The following FER1L5 variants were observed in gnomAD, a reference collection of about 807,000 sequenced individuals.
The protein encoded by FER1L5 is fer-1 like family member 5.
Under a neutral mutation model 279.9 loss-of-function variants are expected in FER1L5, and 187 were observed. The ratio of observed to expected loss-of-function variants is 0.67; its 90% CI spans 0.59 to 0.75. FER1L5 has a LOEUF of 0.75. FER1L5 is among the 30% of genes least tolerant of loss of function. The pLI, the probability that FER1L5 is intolerant of heterozygous loss-of-function variation, is 0.00. For synonymous variants in FER1L5, 921 were observed against 989.7 expected, an observed-to-expected ratio of 0.93 and a Z score of 1.30; for missense variants, 2,091 against 2,594.4, an observed-to-expected ratio of 0.81 and a Z score of 4.21.
At chr2:96,692,568 A>C (rs1327155602) in intron 31 of FER1L5, among the ~76,000 whole-genome samples, 1 of 152,050 alleles carries the variant, frequency 6.6e-6, no homozygotes, top group Non-Finnish European at 1.5e-5. Flanking sequence ...AAGAGGGAGG[A>C]GCTTGTCTGG....
rs1201836093 is a variant in FER1L5, at chr2:96,697,923, C to T, written c.4237-114C>T. ...CCTGTCTGAAGCACACAGTGCTGGCCCCAGGGCCGCTGACTGCCAGATGCT... is the reference window on the plus strand; with the variant it reads ...CCTGTCTGAAGCACACAGTGCTGGCTCCAGGGCCGCTGACTGCCAGATGCT... On this transcript the variant is annotated intron_variant, in intron 39 of 52. Coordinates refer to ENST00000624922, the MANE Select transcript of FER1L5 (RefSeq NM_001293083.2). The T allele has an allele frequency of 2.0e-6, 3 of 1,475,484 alleles. No homozygotes were observed. The East Asian group carries it at 7.4e-5, about 36-fold the overall frequency. 91.4% of individuals were successfully genotyped at this position (1,475,484 alleles called of 1,614,324 possible).
At chr2:96,699,252 C>A in intron 42 of FER1L5, 116 bp downstream of exon 42, 1 of 1,047,602 alleles carries the variant, frequency 9.5e-7, no homozygotes, top group African/African-American at 1.6e-5. Context: ...GTTCCCACCA[C>A]AGCGTCTTAC....
chr2:96,682,381 C>T (rs994275987), intron 19 of FER1L5, among the ~76,000 whole-genome samples: 2 of 152,216 alleles, frequency 1.3e-5, no homozygotes, highest in South Asian at 2.1e-4. Context: ...CGTGAGCCAC[C>T]GCACCCGGCC....
Position 96,689,176 on chromosome 2 carries a change from G to T in FER1L5, c.2362-37G>T. 1 of 1,543,540 alleles carries T rather than the reference G, an allele frequency of 6.5e-7. No individual in the cohort carries two copies. Among genetic ancestry groups the T allele is most frequent in the Non-Finnish European group, 8.7e-7 (1 of 1,144,310 alleles). On this transcript the variant is annotated intron_variant, in intron 24 of 52. Transcript: ENST00000624922. This position sits in a 1 kb window ranked among gnomAD's most constrained non-coding sequence, Gnocchi z 4.6. ...GCCCATGTCCCCGCACTTTGTGCTA[G>T]AGGAGGCGGCCGCCCTGACAAGCTT...
At chr2:96,672,818 G>A (rs1334563324) in intron 18 of FER1L5, among the ~76,000 whole-genome samples, 4 of 152,126 alleles carry the variant, frequency 2.6e-5, no homozygotes. Context: ...AACAAGGGAG[G>A]AGACCACCCC....
intron 9 of FER1L5, among the ~76,000 whole-genome samples, chr2:96,659,518 G>C (rs1423933269): frequency 2.3e-5 from 3 of 128,002 alleles, no homozygotes; most frequent in South Asian, 3.1e-4. Flanking sequence ...TCGAGACAGA[G>C]TCTCGCTCTG....
intron 32 of FER1L5, 78 bp downstream of exon 32, chr2:96,693,765 T>C (rs2077249562): frequency 6.7e-7 from 1 of 1,495,316 alleles, no homozygotes; most frequent in Non-Finnish European, 9.0e-7. Flanking sequence ...TAGATGAAAA[T>C]GTATGGAAAG....
intron 9 of FER1L5, among the ~76,000 whole-genome samples, chr2:96,658,137 C>T (rs954844424): frequency 2.0e-5 from 3 of 151,788 alleles, no homozygotes; most frequent in African/African-American, 4.8e-5. Context: ...CTGCCTCAGA[C>T]TCCCGAGTAG....
At position 96,654,509 on chromosome 2, in the gene FER1L5, C is replaced by G; in HGVS notation, c.747+13C>G. 2.5e-6 allele frequency: 1 copy of G among 398,944 alleles called. No homozygotes were observed. The highest frequency in any genetic ancestry group is 4.4e-6 in the Non-Finnish European group (1 of 226,020). The allele number at this position is 398,944 out of a possible 1,614,324, so 24.7% of individuals were successfully genotyped here. On this transcript the variant is annotated intron_variant, in intron 9 of 52. Transcript: ENST00000624922. ...CGGGAGATTTCAAGTGAGTACTGTA[C>G]ATGGGAGGAGGTTCAGTGAAACAGT...
In FER1L5 at chr2:96,694,106, G is replaced by T. The variant is rs987448364; in HGVS notation, c.3636+34G>T. On this transcript the variant is annotated intron_variant, in intron 33 of 52. Coordinates refer to ENST00000624922, the MANE Select transcript of FER1L5 (RefSeq NM_001293083.2). This position sits in a 1 kb window ranked among gnomAD's most constrained non-coding sequence, Gnocchi z 4.6. ...AGAGAGGGCCTGGCTGGGAAGTGTGGCACTCAGTGCCCCTCCCCGTCCCAC... is the reference window on the plus strand; with the variant it reads ...AGAGAGGGCCTGGCTGGGAAGTGTGTCACTCAGTGCCCCTCCCCGTCCCAC... 3.9e-6 allele frequency: 6 copies of T among 1,521,880 alleles called. No homozygotes were observed. The highest frequency in any genetic ancestry group is 5.3e-6 in the Non-Finnish European group (6 of 1,138,396). The allele number at this position is 1,521,880 out of a possible 1,614,324, so 94.3% of individuals were successfully genotyped here. A position where few individuals can be genotyped will look rare whatever the true frequency, so the allele number is the denominator to read the frequency against.
chr2:96,693,124 C>T (rs113141724), intron 31 of FER1L5, among the ~76,000 whole-genome samples: 76 of 150,644 alleles, frequency 5.0e-4, no homozygotes, highest in African/African-American at 1.8e-3. Flanking sequence ...TGCAGTGAGC[C>T]GAGATGTGCC....
At chr2:96,673,287 C>T (rs1423405816) in intron 19 of FER1L5, 33 bp downstream of exon 19, 5 of 1,532,612 alleles carry the variant, frequency 3.3e-6, no homozygotes, top group Non-Finnish European at 4.4e-6. Flanking sequence ...AAGTAGAGAG[C>T]AGCCACTGCA....
rs1394875560 is a variant in FER1L5, at chr2:96,647,762, C to T, written c.231-16C>T. ...CCCCTGGCTCAGGATCTCACATCTG[C>T]TCCTTGTCTCCCCAGATTCATTGGC... On this transcript the variant is annotated splice_polypyrimidine_tract_variant and intron_variant, in intron 3 of 52. Coordinates refer to ENST00000624922, the MANE Select transcript of FER1L5 (RefSeq NM_001293083.2). 6.5e-7 allele frequency: 1 copy of T among 1,537,624 alleles called. No individual in the cohort carries two copies. The highest frequency in any genetic ancestry group is 1.2e-5 in the South Asian group (1 of 83,772).
At chr2:96,659,412 T>TCCTTC (rs1558854181) in intron 9 of FER1L5, among the ~76,000 whole-genome samples, 101 of 6,290 alleles carry the variant, frequency 0.016, 2 homozygotes, top group Non-Finnish European at 0.022. Context: ...TTTCTTTCTT[T>TCCTTC]CTTTCTTTCT....
rs1465469719 is a variant in FER1L5, at chr2:96,691,358, G to A, written c.2907+5G>A. 29 of 1,547,274 alleles carry A rather than the reference G, an allele frequency of 1.9e-5. No homozygotes were observed. The highest frequency in any genetic ancestry group is 2.5e-5 in the Non-Finnish European group (29 of 1,144,424). On this transcript the variant is annotated splice_donor_5th_base_variant and intron_variant, in intron 28 of 52. Coordinates refer to ENST00000624922, the MANE Select transcript of FER1L5 (RefSeq NM_001293083.2). The surrounding 1 kb of genome is among the most constrained non-coding windows in gnomAD (Gnocchi z 6.0). ...ACCCTCTCCTTCCTGCAGCTGGTGA[G>A]GGGTCGACGGGCGCCCTGGCTGGGA... is the stretch of plus-strand genomic sequence containing the variant.
At position 96,695,822 on chromosome 2, in the gene FER1L5, G is replaced by A. The variant is rs1297661421; in HGVS notation, c.3975G>A (p.Val1325=). The A allele has an allele frequency of 1.2e-6, 2 of 1,613,058 alleles. No individual in the cohort carries two copies. The highest frequency in any genetic ancestry group is 1.7e-6 in the Non-Finnish European group (2 of 1,179,586). Reference sequence around the variant, plus strand: ...ACTGGGCCTTCGGCCAGCAGACCGTGACGGGCCAGGCCAACATCGACTTCC... The same window carrying A: ...ACTGGGCCTTCGGCCAGCAGACCGTAACGGGCCAGGCCAACATCGACTTCC... ...VDNWAFGQQT[V]TGQANIDFLQ... is the part of the protein sequence containing the mutation. The change falls in exon 36 of 53, where the codon GTG becomes GTA. Residue 1325 remains valine (V), a synonymous_variant. Transcript: ENST00000624922.
chr2:96,703,736 C>A, intron 51 of FER1L5, 104 bp downstream of exon 51: 1 of 954,172 alleles, frequency 1.0e-6, no homozygotes, highest in Non-Finnish European at 1.6e-6. Flanking sequence ...TACCTCCCAC[C>A]CCACAGCTCT....
Position 96,703,015 on chromosome 2 carries a change from T to A in FER1L5, c.5435T>A (p.Phe1812Tyr). The A allele has an allele frequency of 1.2e-6, 2 of 1,613,402 alleles. No individual in the cohort carries two copies. The highest frequency in any genetic ancestry group is 1.7e-6 in the Non-Finnish European group (2 of 1,179,678). ...IWSLDATSMKFPARLIIQVWD... is the reference protein window; with the variant it reads ...IWSLDATSMKYPARLIIQVWD... ...AGCCTGGATGCCACGTCCATGAAGT[T>A]CCCAGCCCGACTTATCATCCAGGTC... The change falls in exon 49 of 53, where the codon TTC becomes TAC. Residue 1812 changes from phenylalanine (F) to tyrosine (Y), a missense_variant. By Grantham distance (22) the Phe-to-Tyr change is conservative (BLOSUM62 3). Coordinates refer to ENST00000624922, the MANE Select transcript of FER1L5 (RefSeq NM_001293083.2).
At chr2:96,699,251 A>G in intron 42 of FER1L5, 115 bp downstream of exon 42, 1 of 1,041,586 alleles carries the variant, frequency 9.6e-7, no homozygotes, top group South Asian at 1.4e-5. Context: ...AGTTCCCACC[A>G]CAGCGTCTTA....
Sources: allele counts gnomAD v4.1 joint callset (sites outside exome capture counted in the v4.1 genomes callset), GRCh38; gene constraint gnomAD v4.1.1; non-coding constraint Gnocchi (gnomAD v3.1); transcripts MANE v1.5; gene names NCBI Gene and HGNC (gene_info 2026-07-23, HGNC 2026-07-21).